Variants in PDE1C observed in about 807,000 individuals in gnomAD.
PDE1C encodes dual specificity calcium/calmodulin-dependent 3',5'-cyclic nucleotide phosphodiesterase 1C.
Under a neutral mutation model 93.1 loss-of-function variants are expected in PDE1C, and 62 were observed. The ratio of observed to expected loss-of-function variants is 0.67; its 90% CI spans 0.54 to 0.82. The LOEUF is 0.82. Ranked by LOEUF, PDE1C falls within the 40% of genes least tolerant of loss-of-function variation. The probability of loss-of-function intolerance (pLI) is 0.00; values close to 1 mark genes in which losing one functional copy is unlikely to be tolerated. For missense variants in PDE1C, 742 were observed against 884.6 expected (o/e 0.84, Z 2.04); for synonymous variants, 325 against 310.1 (o/e 1.05, Z -0.50).
the PDE1C span, chr7:31,697,041 TCATAACA>T: frequency 6.2e-7 from 1 of 1,614,142 alleles, no homozygotes; most frequent in Non-Finnish European, 8.5e-7. Flanking sequence ...TCCCTGTTCT[TCATAACA>T]CTGACCTGGA....
At chr7:32,424,583 G>A (rs1163385556) in intron 1 of PDE1C, among the ~76,000 whole-genome samples, 1 of 152,166 alleles carries the variant, frequency 6.6e-6, no homozygotes, top group Non-Finnish European at 1.5e-5. Context: ...AGGCCTGGAG[G>A]CTAAGGCAGA....
intron 2 of PDE1C, among the ~76,000 whole-genome samples, chr7:32,196,383 T>C (rs1804620742): frequency 6.6e-6 from 1 of 152,110 alleles, no homozygotes; most frequent in Admixed American, 6.5e-5. Context: ...GTTAGGGCTC[T>C]TTTTTTGGGT....
intron 2 of PDE1C, among the ~76,000 whole-genome samples, chr7:31,964,043 C>T (rs551194209): frequency 1.7e-4 from 26 of 152,318 alleles, no homozygotes; most frequent in African/African-American, 3.4e-4. Context: ...ATAAAGAAGA[C>T]GGGTGATTTC....
chr7:32,282,739 C>A (rs1291913062), intron 1 of PDE1C, among the ~76,000 whole-genome samples: 1 of 151,778 alleles, frequency 6.6e-6, no homozygotes, highest in African/African-American at 2.4e-5. Flanking sequence ...CGCCACCATG[C>A]CCAGCTAATT....
At position 32,045,405 on chromosome 7, in the gene PDE1C, A is replaced by G. The variant is rs942704992; in HGVS notation, c.128+6149T>C. ...TAAACTGGACACATTCTCATGGCTG[A>G]TGCACTTGTTCTTACTACTTTGAGA... On this transcript the variant is annotated intron_variant, in intron 2 of 17. Transcript: ENST00000396191. Among the ~76,000 whole-genome samples the G allele has an allele frequency of 1.1e-4, 16 of 152,220 alleles. No individual in the cohort carries two copies. In the East Asian group the frequency reaches 3.1e-3, roughly 29 times the overall value.
At chr7:32,062,685 T>C (rs1171439424) in intron 1 of PDE1C, among the ~76,000 whole-genome samples, 1 of 152,184 alleles carries the variant, frequency 6.6e-6, no homozygotes. Context: ...GGTAGTAATT[T>C]ATGGAAGTAT....
At chr7:31,646,369 G>C in the PDE1C span, among the ~76,000 whole-genome samples, 2 of 152,254 alleles carry the variant, frequency 1.3e-5, no homozygotes, top group Non-Finnish European at 2.9e-5. Flanking sequence ...TTGAAAGTGT[G>C]AGTGGGCCTC....
chr7:32,274,981 A>C (rs969623623), intron 1 of PDE1C, among the ~76,000 whole-genome samples: 1 of 152,216 alleles, frequency 6.6e-6, no homozygotes, highest in Non-Finnish European at 1.5e-5. Flanking sequence ...GCAACTCTAC[A>C]AGTCGCTAAG....
the PDE1C span, chr7:31,643,724 T>A: frequency 6.2e-7 from 1 of 1,614,032 alleles, no homozygotes; most frequent in Non-Finnish European, 8.5e-7. Context: ...TCCGTCTCTC[T>A]AGACTCAGGC....
intron 1 of PDE1C, among the ~76,000 whole-genome samples, chr7:32,237,001 G>A (rs1808134746): frequency 1.3e-5 from 2 of 151,522 alleles, no homozygotes; most frequent in African/African-American, 4.9e-5. Context: ...CATCTGGAAT[G>A]GATCTTGTAG....
At chr7:32,194,395 G>T (rs1259687131) in intron 2 of PDE1C, among the ~76,000 whole-genome samples, 1 of 152,126 alleles carries the variant, frequency 6.6e-6, no homozygotes, top group Non-Finnish European at 1.5e-5. Flanking sequence ...AAGATCTGTT[G>T]ATGTCTCCAA....
At chr7:32,135,017 G>A (rs1371440229) in intron 3 of PDE1C, among the ~76,000 whole-genome samples, 1 of 152,158 alleles carries the variant, frequency 6.6e-6, no homozygotes, top group African/African-American at 2.4e-5. Flanking sequence ...TTGACAGCAT[G>A]GGAATTGGTA....
intron 17 of PDE1C, among the ~76,000 whole-genome samples, chr7:31,761,823 C>A (rs1794849546): frequency 6.6e-6 from 1 of 152,212 alleles, no homozygotes; most frequent in Non-Finnish European, 1.5e-5. Context: ...CTATTTGCAA[C>A]TCCTCACCAT....
At chr7:32,053,428 G>A (rs960640172) in intron 1 of PDE1C, among the ~76,000 whole-genome samples, 5 of 152,232 alleles carry the variant, frequency 3.3e-5, no homozygotes, top group African/African-American at 9.6e-5. Flanking sequence ...CAGCCATGGA[G>A]CATAGTGAGC....
At chr7:32,145,169 G>A (rs1438461595) in intron 3 of PDE1C, among the ~76,000 whole-genome samples, 1 of 152,186 alleles carries the variant, frequency 6.6e-6, no homozygotes, top group Non-Finnish European at 1.5e-5. Context: ...GGCTGGATTG[G>A]ATGAAAAGAT....
At chr7:31,777,414 C>T (rs1406998941) in intron 16 of PDE1C, among the ~76,000 whole-genome samples, 3 of 152,060 alleles carry the variant, frequency 2.0e-5, no homozygotes, top group African/African-American at 4.8e-5. Flanking sequence ...CTGCAAGCTC[C>T]GTCTCCCGGG....
chr7:31,646,425 C>T, the PDE1C span, among the ~76,000 whole-genome samples: 1 of 152,070 alleles, frequency 6.6e-6, no homozygotes, highest in African/African-American at 2.4e-5. Flanking sequence ...GCAGCTTCTC[C>T]GAGGAAGGTA....
the PDE1C span, among the ~76,000 whole-genome samples, chr7:31,693,290 G>T: frequency 6.6e-6 from 1 of 152,180 alleles, no homozygotes; most frequent in Non-Finnish European, 1.5e-5. Flanking sequence ...GCCCATGACA[G>T]GTTTGTACCT....
chr7:32,310,493 T>C (rs931706181), intron 1 of PDE1C, among the ~76,000 whole-genome samples: 2 of 152,126 alleles, frequency 1.3e-5, no homozygotes, highest in African/African-American at 4.8e-5. Context: ...ATTGACCACA[T>C]ACTTGGAAGT....
Sources: gnomAD v4.1 joint callset for allele counts (sites outside exome capture counted in the v4.1 genomes callset) on GRCh38, gnomAD v4.1.1 for gene constraint, MANE v1.5 for transcripts, NCBI Gene and HGNC (gene_info 2026-07-23, HGNC 2026-07-21) for gene names.